The following STIM1 variants were observed in gnomAD, a reference collection of about 807,000 sequenced individuals.
The protein encoded by STIM1 is stromal interaction molecule 1.
Under a neutral mutation model 74.7 loss-of-function variants are expected in STIM1, and 25 were observed. The ratio of observed to expected loss-of-function variants is 0.33; its 90% CI spans 0.24 to 0.47. The LOEUF (loss-of-function observed/expected upper bound fraction) is 0.47. Ranked by LOEUF, STIM1 falls within the 20% of genes least tolerant of loss-of-function variation. The pLI is 1.00. For synonymous variants in STIM1, 328 were observed against 348.8 expected (o/e 0.94, Z 0.66); for missense variants, 728 against 920.8 (o/e 0.79, Z 2.71).
chr11:3,921,094 C>T lies in STIM1; in HGVS notation c.140-46458C>T, dbSNP rs116773994. Among the ~76,000 whole-genome samples the T allele has an allele frequency of 1.1e-3, 172 of 152,250 alleles. 1 individual carries two copies. Among genetic ancestry groups the T allele is most frequent in the African/African-American group, 3.9e-3 (164 of 41,538 alleles). ...TACAGACGTGAGCCACTGCACCCGA[C>T]CTACCCTTAAGTATCTTAAGATGCA... is the stretch of plus-strand genomic sequence containing the variant. On this transcript the variant is annotated intron_variant, in intron 1 of 12. Transcript: ENST00000526596.
chr11:4,043,990 A>G (rs2039740881), intron 3 of STIM1, among the ~76,000 whole-genome samples: 1 of 152,052 alleles, frequency 6.6e-6, no homozygotes, highest in South Asian at 2.1e-4. Context: ...ACTCCAGCCT[A>G]GCGACATAGT....
chr11:3,885,636 T>G (rs1441378287), intron 1 of STIM1, among the ~76,000 whole-genome samples: 1 of 152,098 alleles, frequency 6.6e-6, no homozygotes, highest in Admixed American at 6.5e-5. Context: ...TTTTATTTAT[T>G]TTATCATTTT....
At chr11:3,901,661 G>T (rs1045123752) in intron 1 of STIM1, among the ~76,000 whole-genome samples, 12 of 152,226 alleles carry the variant, frequency 7.9e-5, no homozygotes, top group African/African-American at 2.9e-4. Flanking sequence ...TTGTAGAAAG[G>T]TATAGATCTT....
rs574220064 is a variant in STIM1 at position 4,033,581 on chromosome 11, T to C, written c.385+9594T>C. On this transcript the variant is annotated intron_variant, in intron 3 of 12. Coordinates refer to ENST00000526596, the MANE Select transcript of STIM1 (RefSeq NM_001382567.1). Reference sequence around the variant, plus strand: ...TGAAGAGAAATGAGGTGAGCAGATATCCATGTTTCATTTCTAATCTTTTTT... The same window carrying C: ...TGAAGAGAAATGAGGTGAGCAGATACCCATGTTTCATTTCTAATCTTTTTT... Among the ~76,000 whole-genome samples the C allele has an allele frequency of 2.0e-5, 3 of 151,872 alleles. No individual in the cohort carries two copies. The South Asian group carries it at 6.3e-4, about 32-fold the overall frequency.
At chr11:4,051,651 T>C (rs896218108) in intron 3 of STIM1, among the ~76,000 whole-genome samples, 4 of 152,090 alleles carry the variant, frequency 2.6e-5, no homozygotes, top group Admixed American at 1.3e-4. Context: ...ATAAATTATC[T>C]TTTTTTATCT....
chr11:3,911,110 T>A (rs1043093553), intron 1 of STIM1, among the ~76,000 whole-genome samples: 2 of 152,182 alleles, frequency 1.3e-5, no homozygotes, highest in Non-Finnish European at 2.9e-5. Context: ...AGTGGTAGCA[T>A]TGGGGAGATA....
intron 2 of STIM1, among the ~76,000 whole-genome samples, chr11:3,993,219 C>T (rs2093631881): frequency 6.6e-6 from 1 of 152,190 alleles, no homozygotes; most frequent in Admixed American, 6.5e-5. Flanking sequence ...TTATATTCCC[C>T]TTGTCACTCA....
At chr11:3,999,643 C>T (rs771581370) in intron 2 of STIM1, 18 of 156,958 alleles carry the variant, frequency 1.1e-4, no homozygotes, top group Non-Finnish European at 1.9e-4. Flanking sequence ...CAGCTCCCAG[C>T]GTGAGCGACG....
At chr11:3,867,940 T>C (rs900511722) in intron 1 of STIM1, 4 of 152,250 alleles carry the variant, frequency 2.6e-5, no homozygotes, top group African/African-American at 9.6e-5. Context: ...TGCTCCTGTT[T>C]GGCCTCTCTG....
At chr11:3,988,252 G>C (rs1442247887) in intron 2 of STIM1, among the ~76,000 whole-genome samples, 1 of 152,208 alleles carries the variant, frequency 6.6e-6, no homozygotes, top group Non-Finnish European at 1.5e-5. Flanking sequence ...CTCAGCACCT[G>C]AAGCCAGAGC....
intron 7 of STIM1, among the ~76,000 whole-genome samples, chr11:4,081,532 A>G (rs1023360213): frequency 3.3e-5 from 5 of 152,222 alleles, no homozygotes. Context: ...AAGACTTTGG[A>G]GAGCATTCAG....
intron 2 of STIM1, among the ~76,000 whole-genome samples, chr11:3,968,751 A>G (rs1027954670): frequency 6.6e-6 from 1 of 152,342 alleles, no homozygotes; most frequent in Admixed American, 6.5e-5. Flanking sequence ...CTTTAAATAC[A>G]TAAGAAGTAA....
chr11:3,885,283 A>C (rs935012840), intron 1 of STIM1, among the ~76,000 whole-genome samples: 1 of 151,890 alleles, frequency 6.6e-6, no homozygotes, highest in East Asian at 1.9e-4. Context: ...GGCTCAACCA[A>C]TCCTTCCACT....
At chr11:3,925,259 G>A (rs2092773360) in intron 1 of STIM1, among the ~76,000 whole-genome samples, 1 of 152,198 alleles carries the variant, frequency 6.6e-6, no homozygotes, top group African/African-American at 2.4e-5. Flanking sequence ...GCTGGGCATG[G>A]TGGCGCACGC....
chr11:3,886,877 C>T (rs973937614), intron 1 of STIM1, among the ~76,000 whole-genome samples: 2 of 151,758 alleles, frequency 1.3e-5, no homozygotes, highest in African/African-American at 4.8e-5. Flanking sequence ...TGGCGGGTGC[C>T]TGTAATCCTA....
chr11:3,901,880 G>A (rs146485279), intron 1 of STIM1, among the ~76,000 whole-genome samples: 57 of 152,300 alleles, frequency 3.7e-4, no homozygotes, highest in Admixed American at 8.5e-4. Context: ...CCTGCCCCAG[G>A]CTCCAGTCTC....
intron 2 of STIM1, among the ~76,000 whole-genome samples, chr11:3,970,178 G>T (rs1178316306): frequency 6.6e-6 from 1 of 151,026 alleles, no homozygotes; most frequent in Non-Finnish European, 1.5e-5. Context: ...AAGCTCATCA[G>T]CACAAACTGT....
At chr11:3,895,734 CTT>C (rs370864245) in intron 1 of STIM1, among the ~76,000 whole-genome samples, 678 of 35,820 alleles carry the variant, frequency 0.019, 66 homozygotes, top group African/African-American at 0.036. Context: ...TTCTTTCTTT[CTT>C]TTTCTTTCTT....
intron 1 of STIM1, among the ~76,000 whole-genome samples, chr11:3,909,747 C>T (rs1159573539): frequency 6.7e-6 from 1 of 148,780 alleles, no homozygotes; most frequent in Non-Finnish European, 1.5e-5. Flanking sequence ...TGGCATGATC[C>T]TGGCACTGCA....
Sources: allele counts gnomAD v4.1 joint callset (sites outside exome capture counted in the v4.1 genomes callset), GRCh38; gene constraint gnomAD v4.1.1; transcripts MANE v1.5; gene names NCBI Gene and HGNC (gene_info 2026-07-23, HGNC 2026-07-21).